PLXNA2: variants seen among roughly 807,000 people sequenced by gnomAD.
PLXNA2 encodes the protein plexin A2.
In PLXNA2, 91 loss-of-function variants were observed where a neutral mutation model predicts 193.5. The observed-to-expected ratio is 0.47, with a 90% CI of 0.40 to 0.56. The LOEUF (loss-of-function observed/expected upper bound fraction) is 0.56. PLXNA2 is among the 20% of genes least tolerant of loss of function. The pLI is 0.00. For missense variants in PLXNA2, 1,995 were observed against 2,503.2 expected, an observed-to-expected ratio of 0.80 and a Z score of 4.33; for synonymous variants, 997 against 1,027.3, an observed-to-expected ratio of 0.97 and a Z score of 0.56.
At chr1:208,172,272 G>C (rs1293211202) in intron 3 of PLXNA2, among the ~76,000 whole-genome samples, 1 of 151,992 alleles carries the variant, frequency 6.6e-6, no homozygotes, top group African/African-American at 2.4e-5. Flanking sequence ...TGGGTTGGAG[G>C]AAGTACTGTG....
intron 3 of PLXNA2, among the ~76,000 whole-genome samples, chr1:208,145,449 G>A (rs990412684): frequency 5.9e-5 from 9 of 152,204 alleles, no homozygotes; most frequent in Admixed American, 1.3e-4. Context: ...GGAATAGTCC[G>A]CTGTTTTCAT....
chr1:208,083,716 C>T (rs1309106158), intron 10 of PLXNA2, among the ~76,000 whole-genome samples: 1 of 152,140 alleles, frequency 6.6e-6, no homozygotes, highest in Non-Finnish European at 1.5e-5. Context: ...AAAAGATCTT[C>T]TTGGGGTTAG....
chr1:208,048,756 G>A (rs1372813514), intron 17 of PLXNA2, among the ~76,000 whole-genome samples: 1 of 152,136 alleles, frequency 6.6e-6, no homozygotes, highest in African/African-American at 2.4e-5. Flanking sequence ...TGGAGGTCAC[G>A]TACTCACTCT....
intron 3 of PLXNA2, among the ~76,000 whole-genome samples, chr1:208,142,732 C>G (rs1379772429): frequency 6.6e-6 from 1 of 152,204 alleles, no homozygotes; most frequent in Admixed American, 6.5e-5. Flanking sequence ...TTGAATATCC[C>G]TATGCAGTTA....
intron 4 of PLXNA2, among the ~76,000 whole-genome samples, chr1:208,117,874 G>A (rs1184775012): frequency 2.6e-5 from 4 of 152,224 alleles, no homozygotes; most frequent in Non-Finnish European, 5.9e-5. Context: ...TCAGTCCATA[G>A]GTTAAGTCTG....
intron 4 of PLXNA2, among the ~76,000 whole-genome samples, chr1:208,122,959 G>T (rs775595323): frequency 1.3e-5 from 2 of 152,110 alleles, no homozygotes; most frequent in African/African-American, 2.4e-5. Flanking sequence ...ACTAGATTGC[G>T]CAATTCAATG....
At chr1:208,160,365 G>A (rs1249878) in intron 3 of PLXNA2, among the ~76,000 whole-genome samples, 146,868 of 152,134 alleles carry the variant, frequency 0.97, 71,118 homozygotes, top group East Asian at 1. Context: ...CAGTGTGCTT[G>A]TAAGGAGAGC....
intron 9 of PLXNA2, among the ~76,000 whole-genome samples, chr1:208,085,312 T>C (rs1204271406): frequency 6.6e-6 from 1 of 152,192 alleles, no homozygotes. Context: ...CTCTTTCTCC[T>C]TCTCTCCTCG....
intron 12 of PLXNA2, among the ~76,000 whole-genome samples, chr1:208,078,678 C>T (rs1202884696): frequency 6.6e-6 from 1 of 152,320 alleles, no homozygotes; most frequent in East Asian, 1.9e-4. Flanking sequence ...TTTTCATCCA[C>T]ATCATCTTCC....
At chr1:208,045,824 C>T (rs1028653022) in intron 18 of PLXNA2, 54 bp downstream of exon 18, 65 of 1,601,024 alleles carry the variant, frequency 4.1e-5, no homozygotes, top group Non-Finnish European at 5.0e-5. Context: ...GAGCGAGGGG[C>T]GCCCTCTGGC....
chr1:208,154,216 C>T (rs190883042), intron 3 of PLXNA2, among the ~76,000 whole-genome samples: 2,796 of 137,592 alleles, frequency 0.02, 88 homozygotes, highest in African/African-American at 0.062. Context: ...AGAGTGCCAG[C>T]GTGAAGACTC....
intron 8 of PLXNA2, among the ~76,000 whole-genome samples, chr1:208,095,079 G>A (rs563695864): frequency 5.9e-5 from 9 of 152,124 alleles, no homozygotes; most frequent in East Asian, 1.9e-4. Context: ...TAAACATTCC[G>A]AATCACTGCC....
chr1:208,098,458 TCACACACA>T (rs56677339), intron 6 of PLXNA2, among the ~76,000 whole-genome samples: 5 of 123,522 alleles, frequency 4.0e-5, no homozygotes, highest in Admixed American at 1.7e-4. Context: ...TCTCTCTCTC[TCACACACA>T]CACACACACA....
intron 4 of PLXNA2, among the ~76,000 whole-genome samples, chr1:208,124,604 G>A (rs1355133463): frequency 2.0e-5 from 3 of 149,518 alleles, no homozygotes; most frequent in East Asian, 2.0e-4. Context: ...CCTTGAACCC[G>A]GTAGGCAGAG....
intron 1 of PLXNA2, among the ~76,000 whole-genome samples, chr1:208,220,970 G>A (rs1377735895): frequency 1.3e-5 from 2 of 152,168 alleles, no homozygotes; most frequent in African/African-American, 4.8e-5. Context: ...TCATACTACT[G>A]CACAAGTCCC....
chr1:208,189,015 T>C (rs138094234), intron 3 of PLXNA2, among the ~76,000 whole-genome samples: 3 of 152,218 alleles, frequency 2.0e-5, no homozygotes, highest in Non-Finnish European at 4.4e-5. Flanking sequence ...AGGTTCTCTA[T>C]GAATGAGTTT....
At chr1:208,110,799 TCTC>T (rs1455423291) in intron 4 of PLXNA2, among the ~76,000 whole-genome samples, 3 of 152,154 alleles carry the variant, frequency 2.0e-5, no homozygotes, top group Non-Finnish European at 4.4e-5. Context: ...GAAGGCCCCT[TCTC>T]CTGGAGCTGC....
Position 208,236,209 on chromosome 1 carries a change from C to T in PLXNA2, c.-81+7434G>A, listed in dbSNP as rs779836047. 5.7e-4 allele frequency among the ~76,000 whole-genome samples: 87 copies of T among 152,146 alleles called. 1 individual carries two copies. Among genetic ancestry groups the T allele is most frequent in the Admixed American group, 5.2e-3 (79 of 15,282 alleles). Reference sequence around the variant, plus strand: ...GCTTGGGCTGGGCTCCCGCTAAGAACGCTGTTCTCAGTGAAATTCAAAAAA... The same window carrying T: ...GCTTGGGCTGGGCTCCCGCTAAGAATGCTGTTCTCAGTGAAATTCAAAAAA... On this transcript the variant is annotated intron_variant, in intron 1 of 31. Coordinates refer to ENST00000367033, the MANE Select transcript of PLXNA2 (RefSeq NM_025179.4). The surrounding 1 kb of genome is among the most constrained non-coding windows in gnomAD (Gnocchi z 4.4).
At chr1:208,242,794 C>T (rs1287314162) in intron 1 of PLXNA2, among the ~76,000 whole-genome samples, 1 of 152,128 alleles carries the variant, frequency 6.6e-6, no homozygotes, top group African/African-American at 2.4e-5. Flanking sequence ...ACTCTCTGGG[C>T]ATCTAGACCA....
Sources: gnomAD v4.1 joint callset for allele counts (sites outside exome capture counted in the v4.1 genomes callset) on GRCh38, gnomAD v4.1.1 for gene constraint, Gnocchi (gnomAD v3.1) non-coding constraint, MANE v1.5 for transcripts, NCBI Gene and HGNC (gene_info 2026-07-23, HGNC 2026-07-21) for gene names.